Variants in TMEM74 observed in about 807,000 individuals in gnomAD.
TMEM74 encodes transmembrane protein 74.
Under a neutral mutation model 18.1 loss-of-function variants are expected in TMEM74, and 13 were observed. The observed-to-expected ratio is 0.72, with a 90% CI of 0.47 to 1.14. TMEM74 has a LOEUF of 1.14. Ranked by LOEUF, TMEM74 falls within the 50% of genes most tolerant of loss-of-function variation. The probability of loss-of-function intolerance (pLI) is 0.00; values close to 1 mark genes in which losing one functional copy is unlikely to be tolerated. For synonymous variants in TMEM74, 159 were observed against 146.6 expected (o/e 1.08, Z -0.61); for missense variants, 372 against 375.9 (o/e 0.99, Z 0.09).
intron 1 of TMEM74, among the ~76,000 whole-genome samples, chr8:108,696,039 T>C (rs1813278947): frequency 6.6e-6 from 1 of 152,218 alleles, no homozygotes; most frequent in South Asian, 2.1e-4. Flanking sequence ...ATTTATTCAC[T>C]TGTTTGTTGA....
At chr8:108,699,998 T>G (rs1442692398) in intron 1 of TMEM74, among the ~76,000 whole-genome samples, 2 of 150,964 alleles carry the variant, frequency 1.3e-5, no homozygotes, top group African/African-American at 4.9e-5. Flanking sequence ...GACCATTTAC[T>G]CTGAGATTAT....
In TMEM74 at chr8:108,783,061, C is replaced by T. The variant is rs182239417; in HGVS notation, c.*1120G>A. ...AGTGGGAGGTGAGTTCTGACGATGA[C>T]TACAGTCCCCATTAAATCAGTGTAT... On this transcript the variant is annotated 3_prime_UTR_variant, in exon 2 of 2. Coordinates refer to ENST00000297459, the MANE Select transcript of TMEM74 (RefSeq NM_153015.3). Among the ~76,000 whole-genome samples, 2 of 152,160 alleles carry T rather than the reference C, an allele frequency of 1.3e-5. No individual in the cohort carries two copies. The highest frequency in any genetic ancestry group is 6.5e-5 in the Admixed American group (1 of 15,280).
chr8:108,612,713 AG>A (rs1338877620), intron 2 of TMEM74, among the ~76,000 whole-genome samples: 2 of 152,174 alleles, frequency 1.3e-5, no homozygotes, highest in African/African-American at 4.8e-5. Context: ...GCATTAGAGA[AG>A]GTGGTTCAGC....
chr8:108,776,727 A>ACAT (rs1358587826), downstream of TMEM74, among the ~76,000 whole-genome samples: 4 of 136,134 alleles, frequency 2.9e-5, no homozygotes, highest in East Asian at 4.1e-4. Context: ...AGCAGTTTCC[A>ACAT]CATGATGATG....
At chr8:108,674,589 G>T (rs1201434640) in intron 1 of TMEM74, among the ~76,000 whole-genome samples, 1 of 152,116 alleles carries the variant, frequency 6.6e-6, no homozygotes, top group East Asian at 1.9e-4. Context: ...TTCTATAATC[G>T]AACCATGTGC....
At chr8:108,680,505 TG>T (rs1156860996) in intron 1 of TMEM74, among the ~76,000 whole-genome samples, 1 of 152,198 alleles carries the variant, frequency 6.6e-6, no homozygotes, top group Non-Finnish European at 1.5e-5. Flanking sequence ...TAGGTACTGA[TG>T]GGATGTATCT....
At chr8:108,763,673 A>C (rs61491103) in intron 1 of TMEM74, among the ~76,000 whole-genome samples, 11,330 of 152,176 alleles carry the variant, frequency 0.074, 621 homozygotes, top group African/African-American at 0.15. Flanking sequence ...CAGATGTGCA[A>C]GGCACCTCTC....
chr8:108,694,987 C>T (rs970503926), intron 1 of TMEM74, among the ~76,000 whole-genome samples: 1 of 152,156 alleles, frequency 6.6e-6, no homozygotes, highest in African/African-American at 2.4e-5. Context: ...TGAGAGTTTT[C>T]TGCAGGAATA....
chr8:108,661,740 A>G (rs1812901794), intron 1 of TMEM74, among the ~76,000 whole-genome samples: 1 of 152,086 alleles, frequency 6.6e-6, no homozygotes, highest in Non-Finnish European at 1.5e-5. Context: ...TTCCACAATG[A>G]ACGGGGCAGC....
chr8:108,719,860 A>C (rs905730346), intron 1 of TMEM74, among the ~76,000 whole-genome samples: 2 of 152,182 alleles, frequency 1.3e-5, no homozygotes, highest in African/African-American at 2.4e-5. Context: ...TCCTCTAAAC[A>C]GGTTATACCA....
intron 1 of TMEM74, among the ~76,000 whole-genome samples, chr8:108,762,448 A>G (rs1814055986): frequency 6.6e-6 from 1 of 152,050 alleles, no homozygotes; most frequent in African/African-American, 2.4e-5. Flanking sequence ...TAATTTCTTA[A>G]TGTGTTCCTG....
chr8:108,769,450 C>A (rs1814147168), intron 1 of TMEM74, among the ~76,000 whole-genome samples: 1 of 152,110 alleles, frequency 6.6e-6, no homozygotes, highest in South Asian at 2.1e-4. Context: ...CCTTCTTGAG[C>A]CCTCTGCCTC....
At chr8:108,618,708 G>A (rs1812410428) in intron 2 of TMEM74, among the ~76,000 whole-genome samples, 1 of 152,144 alleles carries the variant, frequency 6.6e-6, no homozygotes, top group Non-Finnish European at 1.5e-5. Context: ...GAATTGAAAT[G>A]CCATTTACTT....
chr8:108,787,273 T>G (rs897612105), intron 1 of TMEM74, among the ~76,000 whole-genome samples: 1 of 152,290 alleles, frequency 6.6e-6, no homozygotes, highest in African/African-American at 2.4e-5. Flanking sequence ...CTGGCAGCGG[T>G]GCCCCCAGCA....
intron 1 of TMEM74, among the ~76,000 whole-genome samples, chr8:108,657,044 G>A (rs370887103): frequency 2.8e-4 from 43 of 152,186 alleles, no homozygotes; most frequent in Middle Eastern, 6.8e-3. Flanking sequence ...TAGTCATAAA[G>A]TGCATTTTAT....
chr8:108,668,852 G>T (rs10955494), intron 1 of TMEM74, among the ~76,000 whole-genome samples: 67,096 of 151,616 alleles, frequency 0.44, 15,204 homozygotes, highest in East Asian at 0.7. Context: ...GTTTTTTCCC[G>T]TCCTCCAGAA....
At chr8:108,649,749 T>C (rs913764116) in intron 2 of TMEM74, among the ~76,000 whole-genome samples, 1 of 152,134 alleles carries the variant, frequency 6.6e-6, no homozygotes, top group Admixed American at 6.6e-5. Flanking sequence ...GTAGTTTTAG[T>C]TGGTAGTTAC....
rs1452998606 is a variant in TMEM74 at position 108,612,509 on chromosome 8, C to G, written n.265-3683G>C. ...AACCAATGTCAGATCTGGGTCAAAT[C>G]TAGTTTATCTCACTTTCAGTGTTGG... On this transcript the variant is annotated intron_variant and non_coding_transcript_variant, in intron 2 of 3. Transcript: ENST00000518838. 3.3e-5 allele frequency among the ~76,000 whole-genome samples: 5 copies of G among 152,272 alleles called. No individual in the cohort carries two copies. In the East Asian group the frequency reaches 9.7e-4, roughly 29 times the overall value.
At chr8:108,660,176 C>T (rs546124371) in intron 1 of TMEM74, among the ~76,000 whole-genome samples, 1 of 152,244 alleles carries the variant, frequency 6.6e-6, no homozygotes, top group Non-Finnish European at 1.5e-5. Context: ...GATGTTATCT[C>T]TCTCCCACCC....
Sources: allele counts gnomAD v4.1 joint callset (sites outside exome capture counted in the v4.1 genomes callset), GRCh38; gene constraint gnomAD v4.1.1; transcripts MANE v1.5; gene names NCBI Gene and HGNC (gene_info 2026-07-23, HGNC 2026-07-21).